SYK: variants seen among roughly 807,000 people sequenced by gnomAD.
SYK encodes spleen associated tyrosine kinase.
In SYK, 16 loss-of-function variants were observed where a neutral mutation model predicts 77.8. The ratio of observed to expected loss-of-function variants is 0.21; its 90% confidence interval spans 0.14 to 0.31. SYK has a LOEUF of 0.31. SYK is among the 10% of genes least tolerant of loss of function. SYK has a pLI of 1.00. For missense variants in SYK, 529 were observed against 814.4 expected, an observed-to-expected ratio of 0.65 and a Z score of 4.26; for synonymous variants, 312 against 308.7, an observed-to-expected ratio of 1.01 and a Z score of -0.11.
At chr9:90,850,745 C>A (rs1190043857) in intron 3 of SYK, among the ~76,000 whole-genome samples, 2 of 144,688 alleles carry the variant, frequency 1.4e-5, no homozygotes, top group Non-Finnish European at 3.0e-5. Context: ...TGGAAAGTGG[C>A]ATTGGTAAGA....
intron 11 of SYK, 92 bp downstream of exon 11, chr9:90,879,045 C>T: frequency 1.0e-6 from 1 of 986,236 alleles, no homozygotes; most frequent in Non-Finnish European, 1.5e-6. Context: ...GGTATGGTTT[C>T]AAAAAGCAGT....
At chr9:90,883,449 C>T (rs891611893) in intron 11 of SYK, among the ~76,000 whole-genome samples, 1 of 152,008 alleles carries the variant, frequency 6.6e-6, no homozygotes, top group Non-Finnish European at 1.5e-5. Context: ...ATACCACCAC[C>T]ACTGCTGAGG....
At position 90,835,583 on chromosome 9, in the gene SYK, G is replaced by A. The variant is rs766680564; in HGVS notation, c.-41-8275G>A. On this transcript the variant is annotated intron_variant, in intron 1 of 13. Transcript: ENST00000375754. Reference sequence around the variant, plus strand: ...TTTGTCCTGTGCACAGTTGGAAGACGGGAAATGGAGGAGGAGAGATGGGGA... The same window carrying A: ...TTTGTCCTGTGCACAGTTGGAAGACAGGAAATGGAGGAGGAGAGATGGGGA... Among the ~76,000 whole-genome samples the A allele has an allele frequency of 3.9e-5, 6 of 152,144 alleles. No individual in the cohort carries two copies. The South Asian group carries it at 1.0e-3, about 26-fold the overall frequency.
intron 1 of SYK, among the ~76,000 whole-genome samples, chr9:90,802,504 A>G (rs113313953): frequency 7.3e-4 from 111 of 152,348 alleles, no homozygotes; most frequent in African/African-American, 2.4e-3. Context: ...TACTTAGCCA[A>G]TGAACTTGGA....
rs1829027657 is a variant in SYK at position 90,897,306 on chromosome 9, G to C, written c.*1706G>C. On this transcript the variant is annotated 3_prime_UTR_variant, in exon 14 of 14. Transcript: ENST00000375754. ...CACACTTTCTGAAATCACACTATCTGGTGGTTTAATCATATTTTTAAAGAC... is the reference window on the plus strand; with the variant it reads ...CACACTTTCTGAAATCACACTATCTCGTGGTTTAATCATATTTTTAAAGAC... 1.7e-5 allele frequency: 4 copies of C among 230,442 alleles called. No homozygotes were observed. The highest frequency in any genetic ancestry group is 2.6e-5 in the Non-Finnish European group (3 of 116,320). The allele number at this position is 230,442 out of a possible 1,614,324, so 14.3% of individuals were successfully genotyped here.
At position 90,806,668 on chromosome 9, in the gene SYK, T is replaced by C. The variant is rs529640427; in HGVS notation, c.-42+4775T>C. 4.6e-5 allele frequency among the ~76,000 whole-genome samples: 7 copies of C among 152,370 alleles called. No individual in the cohort carries two copies. In the South Asian group the frequency reaches 1.4e-3, roughly 32 times the overall value. On this transcript the variant is annotated intron_variant, in intron 1 of 13. Transcript: ENST00000375754. Reference sequence around the variant, plus strand: ...TTTACCTGTTGTAAATCCACTGTCATAATTATTGAAAATATTTCTCCAGAG... The same window carrying C: ...TTTACCTGTTGTAAATCCACTGTCACAATTATTGAAAATATTTCTCCAGAG...
intron 1 of SYK, among the ~76,000 whole-genome samples, chr9:90,831,530 T>G (rs1401351979): frequency 6.6e-6 from 1 of 152,214 alleles, no homozygotes; most frequent in Non-Finnish European, 1.5e-5. Flanking sequence ...TATATATCTT[T>G]ATGGATGAGG....
chr9:90,812,792 TGAGA>T (rs1183127456), intron 1 of SYK, among the ~76,000 whole-genome samples: 1 of 84,928 alleles, frequency 1.2e-5, no homozygotes, highest in Non-Finnish European at 2.4e-5. Context: ...AGAGAGAGAT[TGAGA>T]GAGAGAGGGC....
chr9:90,855,011 T>TACAC (rs55839931), intron 3 of SYK, among the ~76,000 whole-genome samples: 6,588 of 143,238 alleles, frequency 0.046, 261 homozygotes, highest in African/African-American at 0.1. Context: ...CACACATACA[T>TACAC]ACACACACAC....
At chr9:90,802,387 T>C (rs1826765253) in intron 1 of SYK, among the ~76,000 whole-genome samples, 1 of 152,200 alleles carries the variant, frequency 6.6e-6, no homozygotes, top group Non-Finnish European at 1.5e-5. Context: ...GACAAATCTT[T>C]TACTACAAAA....
In SYK at chr9:90,897,572, C is replaced by T. The variant is rs1829039238; in HGVS notation, c.*1972C>T. The T allele has an allele frequency of 2.2e-5, 5 of 230,054 alleles. No homozygotes were observed. The highest frequency in any genetic ancestry group is 1.2e-3 in the Middle Eastern group (1 of 802). The allele number at this position is 230,054 out of a possible 1,614,324, so 14.3% of individuals were successfully genotyped here. A position where few individuals can be genotyped will look rare whatever the true frequency, so the allele number is the denominator to read the frequency against. On this transcript the variant is annotated 3_prime_UTR_variant, in exon 14 of 14. Coordinates refer to ENST00000375754, the MANE Select transcript of SYK (RefSeq NM_003177.7). Reference sequence around the variant, plus strand: ...GAGTCTTCAACACAGGCCCCGTGCTCGTAGGAATACGGTAGCACCTATGTA... The same window carrying T: ...GAGTCTTCAACACAGGCCCCGTGCTTGTAGGAATACGGTAGCACCTATGTA...
chr9:90,871,180 G>A (rs907584136), intron 7 of SYK, among the ~76,000 whole-genome samples: 2 of 152,226 alleles, frequency 1.3e-5, no homozygotes, highest in African/African-American at 4.8e-5. Context: ...AAAGTCACCA[G>A]TTGTTCTTTT....
chr9:90,828,337 TCTC>T (rs1276801530), intron 1 of SYK, among the ~76,000 whole-genome samples: 1 of 150,696 alleles, frequency 6.6e-6, no homozygotes, highest in African/African-American at 2.4e-5. Flanking sequence ...GCGCTGCCCT[TCTC>T]ATCATCCATA....
chr9:90,825,762 G>C (rs1825648367), intron 1 of SYK, among the ~76,000 whole-genome samples: 1 of 152,214 alleles, frequency 6.6e-6, no homozygotes, highest in South Asian at 2.1e-4. Flanking sequence ...TGGAGGAAAA[G>C]GATGTTATGT....
chr9:90,878,218 T>C (rs1036595914), intron 10 of SYK, among the ~76,000 whole-genome samples: 6 of 152,234 alleles, frequency 3.9e-5, no homozygotes, highest in African/African-American at 1.4e-4. Context: ...AAAATACCAA[T>C]CACTGCTAAT....
intron 1 of SYK, among the ~76,000 whole-genome samples, chr9:90,835,550 G>T: frequency 6.6e-6 from 1 of 152,250 alleles, no homozygotes; most frequent in Non-Finnish European, 1.5e-5. Context: ...AGAACTGGCT[G>T]TGTTCTCTTT....
At chr9:90,867,956 C>A (rs1485836188) in intron 7 of SYK, among the ~76,000 whole-genome samples, 2 of 151,884 alleles carry the variant, frequency 1.3e-5, no homozygotes, top group East Asian at 3.9e-4. Flanking sequence ...AAAATTGGTT[C>A]TTTTATCAGT....
At chr9:90,875,352 A>C (rs1827886732) in intron 9 of SYK, among the ~76,000 whole-genome samples, 1 of 152,178 alleles carries the variant, frequency 6.6e-6, no homozygotes, top group African/African-American at 2.4e-5. Context: ...GCAGTGAGCC[A>C]TGATTGCACC....
intron 1 of SYK, among the ~76,000 whole-genome samples, chr9:90,841,175 T>G (rs1325911833): frequency 6.6e-6 from 1 of 150,990 alleles, no homozygotes; most frequent in Non-Finnish European, 1.5e-5. Context: ...TTGTGTGTGT[T>G]TTTATGTGTA....
Sources: allele counts gnomAD v4.1 joint callset (sites outside exome capture counted in the v4.1 genomes callset), GRCh38; gene constraint gnomAD v4.1.1; transcripts MANE v1.5; gene names NCBI Gene and HGNC (gene_info 2026-07-23, HGNC 2026-07-21).